MSI2: variants seen among roughly 807,000 people sequenced by gnomAD.
The protein encoded by MSI2 is RNA-binding protein Musashi homolog 2.
Under a neutral mutation model 45.6 loss-of-function variants are expected in MSI2, and 17 were observed. That is an observed-to-expected ratio of 0.37 (90% confidence interval 0.26 to 0.56). MSI2 has a LOEUF of 0.56. Among genes scored for constraint, MSI2 ranks in the 20% least tolerant of loss-of-function variants. The pLI is 0.77. For synonymous variants in MSI2, 156 were observed against 158.2 expected (o/e 0.99, Z 0.11); for missense variants, 293 against 444.2 (o/e 0.66, Z 3.06).
In MSI2 at chr17:57,337,164, G is replaced by A. The variant is rs180754263; in HGVS notation, c.313-64215G>A. Among the ~76,000 whole-genome samples the A allele has an allele frequency of 9.7e-4, 147 of 152,282 alleles. No individual in the cohort carries two copies. In the Middle Eastern group the frequency reaches 0.01, roughly 11 times the overall value. ...GGGATTTTAACCCAGGTTTCCAGATGAGGAAACTGAAGCTCAAGGAAGTTG... is the reference window on the plus strand; with the variant it reads ...GGGATTTTAACCCAGGTTTCCAGATAAGGAAACTGAAGCTCAAGGAAGTTG... On this transcript the variant is annotated intron_variant, in intron 5 of 13. Transcript: ENST00000284073.
rs985933180 is a variant in MSI2 at position 57,633,026 on chromosome 17, T to C, written c.727+5723T>C. On this transcript the variant is annotated intron_variant, in intron 10 of 13. Transcript: ENST00000284073. ...TGTTTTGCTATGAATTGCTTTGCTT[T>C]GGTGAACTTGTCCTAGTATGCTTGC... 6 of 1,044,446 alleles carry C rather than the reference T, an allele frequency of 5.7e-6. No homozygotes were observed. The African/African-American group carries it at 1.0e-4, about 17-fold the overall frequency. The allele number at this position is 1,044,446 out of a possible 1,614,324, so 64.7% of individuals were successfully genotyped here.
intron 5 of MSI2, among the ~76,000 whole-genome samples, chr17:57,357,514 T>G (rs1916517947): frequency 6.6e-6 from 1 of 152,180 alleles, no homozygotes; most frequent in Admixed American, 6.5e-5. Context: ...TTGGCACCGC[T>G]GGGTCGTGCC....
At position 57,656,616 on chromosome 17, in the gene MSI2, C is replaced by T. The variant is rs982025823; in HGVS notation, c.790+4455C>T. 2.0e-5 allele frequency among the ~76,000 whole-genome samples: 3 copies of T among 152,160 alleles called. No homozygotes were observed. In the South Asian group the frequency reaches 6.2e-4, roughly 31 times the overall value. ...GGGAATGCACTTGGCCCTAGTGAAT[C>T]ATTGCTATTTGTTCTTAGGGTTGGT... On this transcript the variant is annotated intron_variant, in intron 11 of 13. Transcript: ENST00000284073.
intron 6 of MSI2, among the ~76,000 whole-genome samples, chr17:57,520,347 G>T (rs1200215259): frequency 2.6e-5 from 4 of 152,180 alleles, no homozygotes; most frequent in Non-Finnish European, 5.9e-5. Context: ...CCATGGGCAG[G>T]TGTCCCTTTG....
In MSI2 at chr17:57,684,657, A is replaced by T. The variant is rs145314998; in HGVS notation, c.*5140A>T. 316 of 158,162 alleles carry T rather than the reference A, an allele frequency of 2.0e-3. 2 individuals carry two copies. In the South Asian group the frequency reaches 0.026, roughly 13 times the overall value. The allele number at this position is 158,162 out of a possible 1,614,324, so 9.8% of individuals were successfully genotyped here. ...ATCAATGTGTTTGTCTGACAAAAAA[A>T]AAAATAAAATAAAATAAACTGTTTT... is the stretch of plus-strand genomic sequence containing the variant. On this transcript the variant is annotated 3_prime_UTR_variant, in exon 14 of 14. Transcript: ENST00000284073.
At chr17:57,697,258 C>T in the MSI2 span, among the ~76,000 whole-genome samples, 1 of 151,932 alleles carries the variant, frequency 6.6e-6, no homozygotes, top group South Asian at 2.1e-4. Flanking sequence ...CAGTCTCACA[C>T]ACCCTCTGAG....
At chr17:57,283,708 C>T (rs1909619720) in intron 5 of MSI2, among the ~76,000 whole-genome samples, 1 of 152,224 alleles carries the variant, frequency 6.6e-6, no homozygotes, top group Non-Finnish European at 1.5e-5. Flanking sequence ...GCTCCAGAGT[C>T]AGCCAAGTTG....
chr17:57,685,646 G>C (rs1913859156), downstream of MSI2: 3 of 152,240 alleles, frequency 2.0e-5, 1 homozygote, highest in South Asian at 6.2e-4. Flanking sequence ...GGAGACAGTC[G>C]AAGGTGCATT....
At chr17:57,536,610 A>G (rs776428488) in intron 7 of MSI2, among the ~76,000 whole-genome samples, 5 of 152,328 alleles carry the variant, frequency 3.3e-5, no homozygotes, top group African/African-American at 1.2e-4. Context: ...GTATCCATCA[A>G]ATCCTCTCCC....
At chr17:57,585,067 C>T (rs1177933840) in intron 7 of MSI2, among the ~76,000 whole-genome samples, 2 of 152,116 alleles carry the variant, frequency 1.3e-5, no homozygotes, top group East Asian at 3.9e-4. Context: ...ATCCACCTGT[C>T]TTGGCCTCCC....
intron 5 of MSI2, among the ~76,000 whole-genome samples, chr17:57,328,211 C>A (rs1257981685): frequency 6.6e-6 from 1 of 152,064 alleles, no homozygotes; most frequent in Non-Finnish European, 1.5e-5. Context: ...TCTGTTCATC[C>A]ATCCATCCAT....
intron 5 of MSI2, among the ~76,000 whole-genome samples, chr17:57,378,476 C>T: frequency 6.6e-6 from 1 of 152,130 alleles, no homozygotes; most frequent in Non-Finnish European, 1.5e-5. Flanking sequence ...GTTGGCCAGG[C>T]TGGTGTCGAT....
intron 10 of MSI2, among the ~76,000 whole-genome samples, chr17:57,638,284 C>G (rs551122562): frequency 6.6e-5 from 10 of 152,314 alleles, no homozygotes; most frequent in Non-Finnish European, 1.0e-4. Flanking sequence ...CCCCACCCAG[C>G]TGGGTCACTG....
At chr17:57,519,356 C>A (rs1266941135) in intron 6 of MSI2, among the ~76,000 whole-genome samples, 2 of 152,156 alleles carry the variant, frequency 1.3e-5, no homozygotes, top group African/African-American at 4.8e-5. Flanking sequence ...TAGGCGCTCA[C>A]TGGCTACCAC....
At chr17:57,571,562 T>A (rs921452563) in intron 7 of MSI2, among the ~76,000 whole-genome samples, 9 of 152,212 alleles carry the variant, frequency 5.9e-5, no homozygotes, top group African/African-American at 2.2e-4. Flanking sequence ...ATTCTCCTCT[T>A]GGATTCGTGG....
chr17:57,684,835 G>T (rs1913824706), downstream of MSI2: 1 of 152,256 alleles, frequency 6.6e-6, no homozygotes, highest in African/African-American at 2.4e-5. Flanking sequence ...CAGCAGCGAA[G>T]AAGTCCCTGC....
At chr17:57,410,391 G>A (rs568402681) in intron 6 of MSI2, among the ~76,000 whole-genome samples, 23 of 152,210 alleles carry the variant, frequency 1.5e-4, no homozygotes, top group South Asian at 4.2e-4. Flanking sequence ...GGGGCCTTGC[G>A]TGAGCACAGG....
chr17:57,575,044 A>G (rs1325660747), intron 7 of MSI2, among the ~76,000 whole-genome samples: 1 of 151,802 alleles, frequency 6.6e-6, no homozygotes, highest in African/African-American at 2.4e-5. Context: ...GTTAGCCAGG[A>G]TGGTCTCAAT....
At chr17:57,446,039 G>A (rs375175876) in intron 6 of MSI2, among the ~76,000 whole-genome samples, 3 of 152,260 alleles carry the variant, frequency 2.0e-5, no homozygotes, top group Admixed American at 6.5e-5. Flanking sequence ...TAATCTAATG[G>A]GGAGTCAGAC....
Sources: allele counts gnomAD v4.1 joint callset (sites outside exome capture counted in the v4.1 genomes callset), GRCh38; gene constraint gnomAD v4.1.1; transcripts MANE v1.5; gene names NCBI Gene and HGNC (gene_info 2026-07-23, HGNC 2026-07-21).